The following PARP4 variants were observed in gnomAD, a reference collection of about 807,000 sequenced individuals.
PARP4 encodes the protein protein mono-ADP-ribosyltransferase PARP4.
A neutral mutation model predicts 187.7 loss-of-function variants in PARP4; 120 were observed. The observed-to-expected ratio is 0.64, with a 90% CI of 0.55 to 0.74. The LOEUF (loss-of-function observed/expected upper bound fraction) is 0.74, where lower values mean the gene tolerates loss of function less well. Among genes scored for constraint, PARP4 ranks in the 30% least tolerant of loss-of-function variants. The pLI is 0.00. For synonymous variants in PARP4, 654 were observed against 740.9 expected (o/e 0.88, Z 1.90); for missense variants, 1,836 against 2,070.5 (o/e 0.89, Z 2.20).
chr13:24,487,513 T>C (rs1873630010), intron 10 of PARP4, among the ~76,000 whole-genome samples: 2 of 152,154 alleles, frequency 1.3e-5, no homozygotes, highest in African/African-American at 2.4e-5. Context: ...TGAATGGAAG[T>C]AGCCAACAGA....
In PARP4 at chr13:24,479,235, C is replaced by T. The variant is rs538557608; in HGVS notation, c.1449-959G>A. ...TTCAAAATGCCGAAGTATGGCCAGA[C>T]GACCCTTCTTTGTTTCACCTACTGA... On this transcript the variant is annotated intron_variant, in intron 12 of 33. Coordinates refer to ENST00000381989, the MANE Select transcript of PARP4 (RefSeq NM_006437.4). Among the ~76,000 whole-genome samples, 90 of 152,194 alleles carry T rather than the reference C, an allele frequency of 5.9e-4. 1 individual carries two copies. The highest frequency in any genetic ancestry group is 2.1e-3 in the Admixed American group (32 of 15,288).
intron 27 of PARP4, among the ~76,000 whole-genome samples, chr13:24,446,227 C>T (rs928998259): frequency 1.7e-4 from 26 of 152,170 alleles, no homozygotes; most frequent in African/African-American, 6.0e-4. Context: ...TACTTAATTG[C>T]AGTTATTGCC....
intron 12 of PARP4, among the ~76,000 whole-genome samples, chr13:24,483,008 C>T (rs929036485): frequency 6.6e-6 from 1 of 151,754 alleles, no homozygotes; most frequent in Non-Finnish European, 1.5e-5. Flanking sequence ...CTACAGTGCT[C>T]TTTTTTTCTT....
At position 24,453,903 on chromosome 13, in the gene PARP4, T is replaced by G. The variant is rs144973671; in HGVS notation, c.2759-249A>C. Among the ~76,000 whole-genome samples, 10 of 152,148 alleles carry G rather than the reference T, an allele frequency of 6.6e-5. No homozygotes were observed. The East Asian group carries it at 1.7e-3, about 26-fold the overall frequency. On this transcript the variant is annotated intron_variant, in intron 22 of 33. Coordinates refer to ENST00000381989, the MANE Select transcript of PARP4 (RefSeq NM_006437.4). Reference sequence around the variant, plus strand: ...GCCGAGGTGGGTGTATCACCTGAGGTCAGGAGTTCAAGACCAGCTCTGGTC... The same window carrying G: ...GCCGAGGTGGGTGTATCACCTGAGGGCAGGAGTTCAAGACCAGCTCTGGTC...
intron 33 of PARP4, among the ~76,000 whole-genome samples, chr13:24,425,599 C>CTATATA (rs138449687): frequency 7.2e-6 from 1 of 138,016 alleles, no homozygotes; most frequent in African/African-American, 3.0e-5. Flanking sequence ...ATATCTATAT[C>CTATATA]TATATCTATA....
chr13:24,456,216 G>T, intron 21 of PARP4, 125 bp downstream of exon 21: 1 of 695,656 alleles, frequency 1.4e-6, no homozygotes, highest in Non-Finnish European at 2.3e-6. Flanking sequence ...GCAGAATCTT[G>T]AGATGTGAGA....
At chr13:24,448,569 C>T (rs1871332947) in intron 25 of PARP4, among the ~76,000 whole-genome samples, 2 of 151,962 alleles carry the variant, frequency 1.3e-5, no homozygotes, top group South Asian at 2.1e-4. Context: ...CATGGCAATT[C>T]CCAAAAAAAC....
chr13:24,451,102 G>GT (rs1434201779), intron 24 of PARP4, among the ~76,000 whole-genome samples: 3 of 152,186 alleles, frequency 2.0e-5, no homozygotes, highest in Admixed American at 2.0e-4. Flanking sequence ...CAGCCCCAGA[G>GT]TCGGGGCCCG....
At chr13:24,436,836 A>T (rs1236120488) in intron 30 of PARP4, among the ~76,000 whole-genome samples, 6 of 152,200 alleles carry the variant, frequency 3.9e-5, no homozygotes, top group Admixed American at 3.9e-4. Context: ...GAATGATTTA[A>T]AAAAGGAGTA....
At chr13:24,432,117 G>A (rs1249370364) in intron 31 of PARP4, among the ~76,000 whole-genome samples, 3 of 152,082 alleles carry the variant, frequency 2.0e-5, no homozygotes, top group African/African-American at 4.8e-5. Flanking sequence ...TTTGACATAC[G>A]CATGATATTT....
chr13:24,463,449 C>T (rs1009731288), intron 17 of PARP4, among the ~76,000 whole-genome samples: 6 of 151,988 alleles, frequency 3.9e-5, no homozygotes, highest in South Asian at 2.1e-4. Flanking sequence ...GCACCAGAAA[C>T]GGTAAAAATG....
chr13:24,469,794 C>G (rs1385605448), intron 16 of PARP4, 100 bp downstream of exon 16: 1 of 1,262,270 alleles, frequency 7.9e-7, no homozygotes, highest in Non-Finnish European at 1.1e-6. Context: ...AAGGCTGCTA[C>G]TCAACCTTGT....
intron 32 of PARP4, 147 bp from the exon 33 acceptor site, chr13:24,426,745 A>C: frequency 2.4e-5 from 17 of 704,232 alleles, no homozygotes; most frequent in Non-Finnish European, 3.4e-5. Context: ...AATACAAAAA[A>C]TTAGCCGGGG....
Position 24,490,735 on chromosome 13 carries a change from C to G in PARP4, c.1147G>C (p.Glu383Gln). 6.2e-7 allele frequency: 1 copy of G among 1,614,012 alleles called. No homozygotes were observed. Among genetic ancestry groups the G allele is most frequent in the Non-Finnish European group, 8.5e-7 (1 of 1,179,884 alleles). ...AKYRALRCKI[E>Q]HVEQNTEEFL... Reference sequence around the variant, plus strand: ...TCTTCAGTATTCTGTTCAACATGCTCAATTTTGCACCTCAAAGCTCGGTAT... The same window carrying G: ...TCTTCAGTATTCTGTTCAACATGCTGAATTTTGCACCTCAAAGCTCGGTAT... Residue 383 changes from glutamate to glutamine, a missense_variant, in exon 10 of 34, where the codon GAG becomes CAG. Glu to Gln is a conservative substitution (Grantham distance 29). Transcript: ENST00000381989.
At chr13:24,474,650 A>G (rs1404931966) in intron 15 of PARP4, among the ~76,000 whole-genome samples, 12 of 151,956 alleles carry the variant, frequency 7.9e-5, no homozygotes, top group Admixed American at 7.2e-4. Context: ...CCGCAGGCAC[A>G]GTCCCACAGG....
Position 24,434,492 on chromosome 13 carries a change from A to G in PARP4, c.4649T>C (p.Leu1550Pro), listed in dbSNP as rs1822135. The G allele has an allele frequency of 0.95, 1,539,180 of 1,613,610 alleles. 734,481 individuals are homozygous for G. Among genetic ancestry groups the G allele is most frequent in the East Asian group, 0.99 (44,322 of 44,872 alleles). The stretch of plus-strand genomic sequence containing the variant: ...CTCTTCTTTTACTTCCAGAAAGCAC[A>G]GGATACTGTCATCTTTTGTATCACA... Reference protein sequence around the residue: ...IKCDTKDDSILCFLEVKEEDE... With the variant: ...IKCDTKDDSIPCFLEVKEEDE... Residue 1550 changes from leucine (L) to proline (P), a missense_variant, in exon 31 of 34, where the codon CTG (leucine) becomes CCG (proline). Physicochemically the swap from Leu to Pro is moderately conservative, Grantham distance 98. Coordinates refer to ENST00000381989, the MANE Select transcript of PARP4 (RefSeq NM_006437.4).
At position 24,452,183 on chromosome 13, in the gene PARP4, T is replaced by C. The variant is rs577717077; in HGVS notation, c.3014+223A>G. 149 of 460,102 alleles carry C rather than the reference T, an allele frequency of 3.2e-4. 1 individual carries two copies. Among genetic ancestry groups the C allele is most frequent in the Middle Eastern group, 2.2e-3 (4 of 1,810 alleles). The allele number at this position is 460,102 out of a possible 1,614,324, so 28.5% of individuals were successfully genotyped here. ...TTCATTATCACCTTGGTTTTACAGATGAGAGGTTAAGGAACTTGCTCAAGG... is the reference window on the plus strand; with the variant it reads ...TTCATTATCACCTTGGTTTTACAGACGAGAGGTTAAGGAACTTGCTCAAGG... On this transcript the variant is annotated intron_variant, in intron 24 of 33. Coordinates refer to ENST00000381989, the MANE Select transcript of PARP4 (RefSeq NM_006437.4).
chr13:24,471,587 C>A (rs1405523580), intron 15 of PARP4, among the ~76,000 whole-genome samples: 1 of 152,122 alleles, frequency 6.6e-6, no homozygotes, highest in Non-Finnish European at 1.5e-5. Context: ...ATGAGCCATG[C>A]ACATATAAGA....
At chr13:24,500,255 A>AG (rs1490844268) in intron 4 of PARP4, 61 bp downstream of exon 4, 3 of 879,316 alleles carry the variant, frequency 3.4e-6, no homozygotes, top group Non-Finnish European at 5.4e-6. Flanking sequence ...ACTGTGCTTG[A>AG]GGTTTACACA....
Sources: allele counts gnomAD v4.1 joint callset (sites outside exome capture counted in the v4.1 genomes callset), GRCh38; gene constraint gnomAD v4.1.1; transcripts MANE v1.5; gene names NCBI Gene and HGNC (gene_info 2026-07-23, HGNC 2026-07-21).